The following GRM7 variants were observed in gnomAD, a reference collection of about 807,000 sequenced individuals.
GRM7 encodes the protein glutamate metabotropic receptor 7.
A neutral mutation model predicts 84.5 loss-of-function variants in GRM7; 35 were observed. The observed-to-expected ratio is 0.41, with a 90% CI of 0.32 to 0.55. The LOEUF is 0.55. Ranked by LOEUF, GRM7 falls within the 20% of genes least tolerant of loss-of-function variation. The pLI, the probability that GRM7 is intolerant of heterozygous loss-of-function variation, is 0.19. For synonymous variants in GRM7, 487 were observed against 455.1 expected (o/e 1.07, Z -0.89); for missense variants, 1,003 against 1,194.6 (o/e 0.84, Z 2.36).
chr3:6,921,170 C>G (rs781463575), intron 1 of GRM7, among the ~76,000 whole-genome samples: 1 of 152,182 alleles, frequency 6.6e-6, no homozygotes, highest in African/African-American at 2.4e-5. Context: ...TAGCTCCCAG[C>G]AGGAACAAAA....
intron 1 of GRM7, among the ~76,000 whole-genome samples, chr3:7,129,723 C>G (rs1407620218): frequency 6.6e-6 from 1 of 152,180 alleles, no homozygotes; most frequent in Non-Finnish European, 1.5e-5. Context: ...CATTCTAGGA[C>G]AGCGCTGCAG....
chr3:7,155,804 G>A (rs541646075), intron 2 of GRM7, among the ~76,000 whole-genome samples: 11 of 152,154 alleles, frequency 7.2e-5, no homozygotes, highest in South Asian at 2.1e-4. Flanking sequence ...AAACATATCC[G>A]GCAGTAATAG....
intron 4 of GRM7, among the ~76,000 whole-genome samples, chr3:7,343,111 T>C (rs1230435661): frequency 6.6e-6 from 1 of 152,206 alleles, no homozygotes; most frequent in Non-Finnish European, 1.5e-5. Context: ...ATGCTCAGTG[T>C]ATTGGGATTC....
intron 7 of GRM7, among the ~76,000 whole-genome samples, chr3:7,563,033 A>G (rs1179938196): frequency 6.6e-6 from 1 of 152,148 alleles, no homozygotes; most frequent in Non-Finnish European, 1.5e-5. Flanking sequence ...AAAATAATCA[A>G]AAGCCTTTCT....
chr3:7,253,666 G>A (rs1698091374), intron 2 of GRM7, among the ~76,000 whole-genome samples: 1 of 151,160 alleles, frequency 6.6e-6, no homozygotes. Context: ...GCATCCTTAT[G>A]AGGTAGGTAC....
intron 4 of GRM7, among the ~76,000 whole-genome samples, chr3:7,349,877 C>CT (rs902506444): frequency 6.6e-6 from 1 of 151,966 alleles, no homozygotes; most frequent in Non-Finnish European, 1.5e-5. Flanking sequence ...GATTCCTCCT[C>CT]TTTTTTTTCT....
chr3:7,698,909 T>C (rs1575647242), intron 9 of GRM7, among the ~76,000 whole-genome samples: 1 of 152,168 alleles, frequency 6.6e-6, no homozygotes, highest in Non-Finnish European at 1.5e-5. Context: ...ATGTACTCTA[T>C]ATAGAGAAAG....
chr3:6,974,537 G>C (rs1262528303), intron 1 of GRM7, among the ~76,000 whole-genome samples: 1 of 152,138 alleles, frequency 6.6e-6, no homozygotes, highest in East Asian at 1.9e-4. Flanking sequence ...AGAATGCGAG[G>C]GTATCAGGGA....
rs146046118 is a variant in GRM7, at chr3:7,306,146, A to G, written c.879-352A>G. 4.5e-3 allele frequency among the ~76,000 whole-genome samples: 683 copies of G among 152,264 alleles called. 4 individuals carry two copies. The highest frequency in any genetic ancestry group is 0.016 in the African/African-American group (659 of 41,534). On this transcript the variant is annotated intron_variant, in intron 3 of 9. Transcript: ENST00000357716. ...CCAGCCCCAAGCCAAAACTCTTAAAACAAAACAAACATTTTGGCCAATATG... is the reference window on the plus strand; with the variant it reads ...CCAGCCCCAAGCCAAAACTCTTAAAGCAAAACAAACATTTTGGCCAATATG...
intron 1 of GRM7, among the ~76,000 whole-genome samples, chr3:6,955,749 C>T (rs548343120): frequency 4.7e-5 from 7 of 149,134 alleles, no homozygotes; most frequent in African/African-American, 1.2e-4. Flanking sequence ...GGCTGAGGCA[C>T]GAGAATCACA....
chr3:7,384,471 T>C (rs541816168), intron 4 of GRM7, among the ~76,000 whole-genome samples: 85 of 152,288 alleles, frequency 5.6e-4, no homozygotes, highest in African/African-American at 2.0e-3. Context: ...CAATAATACA[T>C]ACAAATTAGT....
At chr3:7,481,278 A>G (rs1160153234) in intron 7 of GRM7, among the ~76,000 whole-genome samples, 1 of 152,004 alleles carries the variant, frequency 6.6e-6, no homozygotes, top group East Asian at 1.9e-4. Context: ...GGATCTCCCT[A>G]TGTTACCTAG....
intron 2 of GRM7, among the ~76,000 whole-genome samples, chr3:7,182,434 C>T (rs371806511): frequency 2.6e-4 from 39 of 152,166 alleles, no homozygotes; most frequent in Middle Eastern, 3.4e-3. Flanking sequence ...CTTTGGGAGA[C>T]GATTGTATTT....
intron 7 of GRM7, among the ~76,000 whole-genome samples, chr3:7,564,786 C>T (rs1244405222): frequency 1.3e-5 from 2 of 152,182 alleles, no homozygotes; most frequent in African/African-American, 4.8e-5. Flanking sequence ...CCTCTACTTG[C>T]TTATGGCCAT....
chr3:7,545,143 G>T lies in GRM7; in HGVS notation c.1516-33279G>T, dbSNP rs113895767. On this transcript the variant is annotated intron_variant, in intron 7 of 9. Transcript: ENST00000357716. ...TGCTTAGTCTTATTCCTGCTACAGA[G>T]CAAGTAGAAAATATATATTTGCTTC... is the stretch of plus-strand genomic sequence containing the variant. Among the ~76,000 whole-genome samples, 948 of 152,314 alleles carry T rather than the reference G, an allele frequency of 6.2e-3. 10 individuals are homozygous for T. The highest frequency in any genetic ancestry group is 0.021 in the African/African-American group (875 of 41,570).
intron 1 of GRM7, among the ~76,000 whole-genome samples, chr3:7,007,061 T>C (rs145202043): frequency 3.1e-3 from 473 of 152,316 alleles, no homozygotes; most frequent in Non-Finnish European, 5.0e-3. Context: ...CTGAATATAT[T>C]GGTTCAAGGT....
At chr3:7,725,119 A>G (rs1702078663) in intron 9 of GRM7, among the ~76,000 whole-genome samples, 1 of 152,196 alleles carries the variant, frequency 6.6e-6, no homozygotes, top group African/African-American at 2.4e-5. Context: ...ATATAAACAA[A>G]TTGGAACACT....
At position 6,862,757 on chromosome 3, in the gene GRM7, G is replaced by C; in HGVS notation, c.519+850G>C. ...CCCCCTCACCCACTATCTCCCTGAC[G>C]CAGACCCCAAGCCAAATCCTCGGCT... On this transcript the variant is annotated intron_variant, in intron 1 of 9. Coordinates refer to ENST00000357716, the MANE Select transcript of GRM7 (RefSeq NM_000844.4). The surrounding 1 kb of genome is among the most constrained non-coding windows in gnomAD (Gnocchi z 5.2). 6.8e-6 allele frequency: 2 copies of C among 293,232 alleles called. No homozygotes were observed. Among genetic ancestry groups the C allele is most frequent in the Non-Finnish European group, 1.4e-5 (2 of 147,942 alleles). 18.2% of individuals were successfully genotyped at this position (293,232 alleles called of 1,614,324 possible).
At chr3:6,966,365 G>T (rs1232374370) in intron 1 of GRM7, among the ~76,000 whole-genome samples, 3 of 152,204 alleles carry the variant, frequency 2.0e-5, no homozygotes, top group African/African-American at 7.2e-5. Context: ...ATGTAAGGAT[G>T]CAAGGTTGGA....
Sources: allele counts gnomAD v4.1 joint callset (sites outside exome capture counted in the v4.1 genomes callset), GRCh38; gene constraint gnomAD v4.1.1; non-coding constraint Gnocchi (gnomAD v3.1); transcripts MANE v1.5; gene names NCBI Gene and HGNC (gene_info 2026-07-23, HGNC 2026-07-21).